The following RASGEF1A variants were observed in gnomAD, a reference collection of about 807,000 sequenced individuals.
The protein encoded by RASGEF1A is RasGEF domain family member 1A.
A neutral mutation model predicts 56.4 loss-of-function variants in RASGEF1A; 18 were observed. That is an observed-to-expected ratio of 0.32 (90% CI 0.22 to 0.47). The LOEUF (loss-of-function observed/expected upper bound fraction) is 0.47. RASGEF1A is among the 20% of genes least tolerant of loss of function. The probability of loss-of-function intolerance (pLI) is 1.00; values close to 1 mark genes in which losing one functional copy is unlikely to be tolerated. For missense variants in RASGEF1A, 422 were observed against 627.1 expected (o/e 0.67, Z 3.49); for synonymous variants, 245 against 242.6 (o/e 1.01, Z -0.09).
At chr10:43,243,827 G>C (rs900674672) in intron 1 of RASGEF1A, among the ~76,000 whole-genome samples, 2 of 152,122 alleles carry the variant, frequency 1.3e-5, no homozygotes, top group Admixed American at 1.3e-4. Flanking sequence ...ACCCAGCCTG[G>C]GAAGTGAGGA....
chr10:43,252,978 C>T (rs1284321737), intron 1 of RASGEF1A, among the ~76,000 whole-genome samples: 1 of 152,200 alleles, frequency 6.6e-6, no homozygotes, highest in Non-Finnish European at 1.5e-5. Context: ...GAGCACCGCA[C>T]CCCACGCCTT....
At position 43,226,934 on chromosome 10, in the gene RASGEF1A, T is replaced by C. The variant is rs11238482; in HGVS notation, c.-6-20812A>G. 9.3e-3 allele frequency among the ~76,000 whole-genome samples: 1,411 copies of C among 152,298 alleles called. 67 individuals are homozygous for C. The East Asian group carries it at 0.12, about 13-fold the overall frequency. ...CTGTGGGAAGACAGACACAACTCCA[T>C]GGCATGGCATGATCTCTTCAGGATT... On this transcript the variant is annotated intron_variant, in intron 1 of 12. Coordinates refer to ENST00000395810, the MANE Select transcript of RASGEF1A (RefSeq NM_145313.4).
intron 1 of RASGEF1A, among the ~76,000 whole-genome samples, chr10:43,226,654 T>G (rs1177993764): frequency 6.6e-6 from 1 of 152,084 alleles, no homozygotes; most frequent in Non-Finnish European, 1.5e-5. Flanking sequence ...GGAGCCCTCA[T>G]GACCCAGGAA....
Position 43,200,697 on chromosome 10 carries a change from C to T in RASGEF1A, c.651G>A (p.Val217=). ...DILGVCCDPL[V]LAQQLTHIEL... The stretch of plus-strand genomic sequence containing the variant: ...CAATGTGAGTCAGCTGCTGGGCCAG[C>T]ACCAGGGGGTCGCAGCACACGCCCA... The change falls in exon 5 of 13, where the codon GTG becomes GTA. Residue 217 remains valine (V), a synonymous_variant. Transcript: ENST00000395810. 1 of 1,613,198 alleles carries T rather than the reference C, an allele frequency of 6.2e-7. No individual in the cohort carries two copies. Among genetic ancestry groups the T allele is most frequent in the Non-Finnish European group, 8.5e-7 (1 of 1,180,026 alleles).
chr10:43,265,135 C>G (rs1364457584), intron 1 of RASGEF1A, among the ~76,000 whole-genome samples: 1 of 152,014 alleles, frequency 6.6e-6, no homozygotes, highest in African/African-American at 2.4e-5. Context: ...TGCCATTTCT[C>G]CCTCCTCCTC....
intron 1 of RASGEF1A, chr10:43,207,759 A>G (rs75196304): frequency 1.0e-6 from 1 of 961,728 alleles, no homozygotes. Flanking sequence ...TGCTGGTCAG[A>G]AACTCTGGGG....
chr10:43,203,257 CCCCCTGCCCCCG>C, intron 3 of RASGEF1A, 29 bp downstream of exon 3: 1 of 1,525,296 alleles, frequency 6.6e-7, no homozygotes, highest in Non-Finnish European at 8.8e-7. Flanking sequence ...TCGCCTCCTG[CCCCCTGCCCCCG>C]CCCGTGCCCC....
intron 2 of RASGEF1A, chr10:43,203,711 A>C: frequency 1.7e-6 from 2 of 1,150,304 alleles, no homozygotes; most frequent in Non-Finnish European, 1.1e-6. Flanking sequence ...CCACGCCACC[A>C]TAGGGCTAAC....
At position 43,234,120 on chromosome 10, in the gene RASGEF1A, A is replaced by G. The variant is rs1355028589; in HGVS notation, c.-6-27998T>C. Among the ~76,000 whole-genome samples the G allele has an allele frequency of 1.1e-4, 16 of 152,206 alleles. 2 individuals are homozygous for G. In the South Asian group the frequency reaches 3.3e-3, roughly 32 times the overall value. ...TGGATCTGGGTGTCCCTGCGGAGTC[A>G]CCCCATGAAAAATCACCAAGTGTAC... On this transcript the variant is annotated intron_variant, in intron 1 of 12. Transcript: ENST00000395810.
At chr10:43,208,243 G>A in intron 1 of RASGEF1A, 1 of 985,476 alleles carries the variant, frequency 1.0e-6, no homozygotes, top group Non-Finnish European at 1.2e-6. Context: ...ATCAGAGAGG[G>A]CATTTGCCGA....
At chr10:43,211,548 T>C (rs763635944) in intron 1 of RASGEF1A, among the ~76,000 whole-genome samples, 16 of 152,222 alleles carry the variant, frequency 1.1e-4, no homozygotes, top group African/African-American at 1.2e-4. Context: ...CTCTGCCTCA[T>C]TGTGGCTATC....
At chr10:43,200,354 G>C (rs181531046) in intron 5 of RASGEF1A, 98 bp from the exon 6 acceptor site, 1 of 1,070,240 alleles carries the variant, frequency 9.3e-7, no homozygotes, top group African/African-American at 1.6e-5. Flanking sequence ...AGCTGCCCAG[G>C]GCACAGGACC....
At chr10:43,235,002 AAC>A (rs1840412967) in intron 1 of RASGEF1A, among the ~76,000 whole-genome samples, 1 of 152,040 alleles carries the variant, frequency 6.6e-6, no homozygotes, top group Non-Finnish European at 1.5e-5. Flanking sequence ...ACCACACCTA[AAC>A]ACACCCACAG....
chr10:43,200,771 T>A lies in RASGEF1A; in HGVS notation c.577A>T (p.Lys193Ter). The change falls in exon 5 of 13, where the codon AAG becomes TAG. Residue 193 changes from lysine (K) to a stop codon, truncating the protein, a stop_gained. Coordinates refer to ENST00000395810, the MANE Select transcript of RASGEF1A (RefSeq NM_145313.4). LOFTEE classifies it high-confidence loss of function. The stretch of plus-strand genomic sequence containing the variant: ...GGCTTGGTCTTGAGGATGGGCCCCT[T>A]GTCTACAGCCGGTGGCCGGAGCTTC... ...REKLRPPAVD[K>*]GPILKTKPPA... 1.2e-6 allele frequency: 2 copies of A among 1,613,946 alleles called. No individual in the cohort carries two copies. Among genetic ancestry groups the A allele is most frequent in the Non-Finnish European group, 1.7e-6 (2 of 1,180,010 alleles).
chr10:43,203,487 G>C, intron 2 of RASGEF1A, 67 bp from the exon 3 acceptor site: 1 of 1,456,132 alleles, frequency 6.9e-7, no homozygotes, highest in Non-Finnish European at 9.1e-7. Context: ...TCACCGCGCT[G>C]CTTCACCTGG....
chr10:43,196,466 G>T lies in RASGEF1A; in HGVS notation c.1421+10C>A. The T allele has an allele frequency of 6.2e-7, 1 of 1,612,678 alleles. No individual in the cohort carries two copies. Among genetic ancestry groups the T allele is most frequent in the Non-Finnish European group, 8.5e-7 (1 of 1,178,808 alleles). On this transcript the variant is annotated intron_variant, in intron 12 of 12. Transcript: ENST00000395810. This position sits in a 1 kb window ranked among gnomAD's most constrained non-coding sequence, Gnocchi z 4.6. ...CCTTACAGACTCCCATGTTCCTGAC[G>T]CCCTCCTACCTGAGGGTCTTCCAGC...
chr10:43,226,492 C>T (rs1840281521), intron 1 of RASGEF1A, among the ~76,000 whole-genome samples: 1 of 151,972 alleles, frequency 6.6e-6, no homozygotes, highest in African/African-American at 2.4e-5. Context: ...ATCTTGGCTG[C>T]CATCCTCCTC....
intron 1 of RASGEF1A, among the ~76,000 whole-genome samples, chr10:43,238,524 C>CTGGGG (rs1330128300): frequency 6.6e-6 from 1 of 152,192 alleles, no homozygotes. Context: ...GTTCACTGCC[C>CTGGGG]CAGCCCCATG....
chr10:43,259,908 G>A (rs1459567744), intron 1 of RASGEF1A, among the ~76,000 whole-genome samples: 1 of 152,070 alleles, frequency 6.6e-6, no homozygotes, highest in Non-Finnish European at 1.5e-5. Flanking sequence ...GGAGCTGGAC[G>A]GAGGGGCAGG....
Sources: allele counts gnomAD v4.1 joint callset (sites outside exome capture counted in the v4.1 genomes callset), GRCh38; gene constraint gnomAD v4.1.1; non-coding constraint Gnocchi (gnomAD v3.1); transcripts MANE v1.5; gene names NCBI Gene and HGNC (gene_info 2026-07-23, HGNC 2026-07-21).